The following RPSA2 variants were observed in gnomAD, a reference collection of about 807,000 sequenced individuals.
The protein encoded by RPSA2 is small ribosomal subunit protein uS2B.
chr19:23,779,936 T>C, the RPSA2 span, among the ~76,000 whole-genome samples: 1 of 152,156 alleles, frequency 6.6e-6, no homozygotes, highest in African/African-American at 2.4e-5. Flanking sequence ...GTCACAGTCC[T>C]CAGGGAAAAG....
At chr19:23,839,296 A>C in the RPSA2 span, among the ~76,000 whole-genome samples, 19 of 152,014 alleles carry the variant, frequency 1.2e-4, no homozygotes, top group Non-Finnish European at 2.4e-4. Context: ...GTGATCTGAG[A>C]GAGTTCTTGG....
chr19:23,860,423 A>G, the RPSA2 span, among the ~76,000 whole-genome samples: 1 of 152,186 alleles, frequency 6.6e-6, no homozygotes, highest in African/African-American at 2.4e-5. Context: ...AAAGCTGCAC[A>G]TGTGAGAGTA....
At chr19:23,832,244 C>T in the RPSA2 span, 24 of 446,718 alleles carry the variant, frequency 5.4e-5, no homozygotes, top group South Asian at 2.4e-4. Context: ...TGTGGCAAAG[C>T]GTTTACCCAG....
At chr19:23,859,438 GAGC>G in the RPSA2 span, among the ~76,000 whole-genome samples, 126 of 152,232 alleles carry the variant, frequency 8.3e-4, 2 homozygotes, top group East Asian at 0.022. Flanking sequence ...AGACCAGCCT[GAGC>G]AACATGGAGA....
At chr19:23,775,881 A>T in the RPSA2 span, among the ~76,000 whole-genome samples, 1 of 152,236 alleles carries the variant, frequency 6.6e-6, no homozygotes, top group African/African-American at 2.4e-5. Flanking sequence ...GAACTGGGGT[A>T]TATACAGGAT....
At chr19:23,772,963 A>C in the RPSA2 span, among the ~76,000 whole-genome samples, 1 of 152,290 alleles carries the variant, frequency 6.6e-6, no homozygotes, top group African/African-American at 2.4e-5. Flanking sequence ...TCTCATTTAT[A>C]CTGGATAAAG....
chr19:23,774,527 CATTGTGACATAT>C, the RPSA2 span, among the ~76,000 whole-genome samples: 28 of 152,320 alleles, frequency 1.8e-4, no homozygotes, highest in Admixed American at 7.8e-4. Context: ...CCTCAGAAGC[CATTGTGACATAT>C]TACTGGGCTC....
the RPSA2 span, among the ~76,000 whole-genome samples, chr19:23,867,227 G>A: frequency 1.9e-3 from 289 of 152,278 alleles, 1 homozygote; most frequent in African/African-American, 6.8e-3. Flanking sequence ...CCCCATCCTG[G>A]CCCCTCAGAC....
At chr19:23,764,970 A>G in the RPSA2 span, among the ~76,000 whole-genome samples, 7 of 152,218 alleles carry the variant, frequency 4.6e-5, no homozygotes, top group Admixed American at 1.3e-4. Flanking sequence ...GGGTAACTCA[A>G]CATACCCACA....
chr19:23,841,265 C>T, the RPSA2 span, among the ~76,000 whole-genome samples: 13 of 151,990 alleles, frequency 8.6e-5, no homozygotes, highest in African/African-American at 3.1e-4. Context: ...GAGATCGAGA[C>T]CATCCTGGCT....
At chr19:23,761,921 T>TCTCTCTCTCTCTCTCTCTC in the RPSA2 span, among the ~76,000 whole-genome samples, 33 of 76,140 alleles carry the variant, frequency 4.3e-4, 4 homozygotes, top group Non-Finnish European at 6.7e-4. Context: ...TCTTTCTTTC[T>TCTCTCTCTCTCTCTCTCTC]TTTTTTTTTT....
chr19:23,827,480 A>G, the RPSA2 span: 9 of 1,589,328 alleles, frequency 5.7e-6, no homozygotes, highest in Non-Finnish European at 7.7e-6. Context: ...CACTCCTGGA[A>G]CCTTCACTAA....
the RPSA2 span, among the ~76,000 whole-genome samples, chr19:23,854,288 G>A: frequency 3.9e-4 from 60 of 152,292 alleles, no homozygotes; most frequent in African/African-American, 1.1e-3. Context: ...AGTGACCCCC[G>A]TGGGGACAAT....
At chr19:23,845,231 T>C in the RPSA2 span, among the ~76,000 whole-genome samples, 8 of 135,950 alleles carry the variant, frequency 5.9e-5, no homozygotes, top group African/African-American at 2.2e-4. Flanking sequence ...TGGTCATTCT[T>C]ATAGTTTTTG....
the RPSA2 span, among the ~76,000 whole-genome samples, chr19:23,781,482 A>G: frequency 2.0e-5 from 3 of 151,798 alleles, no homozygotes; most frequent in Non-Finnish European, 4.4e-5. Context: ...GGGATTACAG[A>G]TGCCCACCAC....
chr19:23,853,420 T>C, the RPSA2 span, among the ~76,000 whole-genome samples: 1 of 152,222 alleles, frequency 6.6e-6, no homozygotes, highest in Non-Finnish European at 1.5e-5. Context: ...CATGTCCAAG[T>C]TGTAACTATT....
At chr19:23,852,303 C>T in the RPSA2 span, among the ~76,000 whole-genome samples, 1 of 151,250 alleles carries the variant, frequency 6.6e-6, no homozygotes. Context: ...GAGACCAGCT[C>T]GGTTGGGGAG....
the RPSA2 span, among the ~76,000 whole-genome samples, chr19:23,794,566 GT>G: frequency 5.9e-5 from 9 of 151,926 alleles, no homozygotes; most frequent in Non-Finnish European, 1.3e-4. Flanking sequence ...GTTTAAGTTT[GT>G]TATAGATTCT....
At chr19:23,814,179 T>G in the RPSA2 span, among the ~76,000 whole-genome samples, 4 of 148,718 alleles carry the variant, frequency 2.7e-5, no homozygotes, top group African/African-American at 9.9e-5. Context: ...GCCACTGCAT[T>G]CCAGCCTGGG....
Sources: gnomAD v4.1 joint callset for allele counts (sites outside exome capture counted in the v4.1 genomes callset) on GRCh38, gnomAD v4.1.1 for gene constraint, MANE v1.5 for transcripts, NCBI Gene and HGNC (gene_info 2026-07-23, HGNC 2026-07-21) for gene names.